The following SH3GL2 variants were observed in gnomAD, a reference collection of about 807,000 sequenced individuals.
SH3GL2 encodes endophilin-A1.
Under a neutral mutation model 46.0 loss-of-function variants are expected in SH3GL2, and 24 were observed. The observed-to-expected ratio is 0.52, with a 90% CI of 0.38 to 0.73. The LOEUF is 0.73. SH3GL2 is among the 30% of genes least tolerant of loss of function. The pLI is 0.00. For missense variants in SH3GL2, 413 were observed against 424.2 expected (o/e 0.97, Z 0.23); for synonymous variants, 196 against 147.1 (o/e 1.33, Z -2.40).
At chr9:17,735,775 G>A (rs182870033) in intron 1 of SH3GL2, 14 of 976,846 alleles carry the variant, frequency 1.4e-5, no homozygotes. Context: ...TTCCACACAT[G>A]GAAAGCATAA....
intron 3 of SH3GL2, among the ~76,000 whole-genome samples, chr9:17,771,006 C>T (rs929299212): frequency 6.6e-5 from 10 of 152,214 alleles, no homozygotes; most frequent in African/African-American, 2.2e-4. Context: ...GACTTACTTG[C>T]AGAAACTGTG....
intron 1 of SH3GL2, among the ~76,000 whole-genome samples, chr9:17,661,951 T>G (rs1275962728): frequency 6.6e-6 from 1 of 152,216 alleles, no homozygotes; most frequent in Non-Finnish European, 1.5e-5. Flanking sequence ...ACTGCTGTCT[T>G]TTGGTTAATT....
intron 1 of SH3GL2, among the ~76,000 whole-genome samples, chr9:17,683,639 C>G (rs574101094): frequency 6.6e-6 from 1 of 152,062 alleles, no homozygotes; most frequent in South Asian, 2.1e-4. Flanking sequence ...TGAACCAGAA[C>G]AAGAGAATAC....
intron 1 of SH3GL2, among the ~76,000 whole-genome samples, chr9:17,681,437 G>A (rs1333499655): frequency 6.6e-6 from 1 of 152,094 alleles, no homozygotes; most frequent in African/African-American, 2.4e-5. Context: ...AGGGTTTCCT[G>A]TAGCATGGTC....
intron 3 of SH3GL2, among the ~76,000 whole-genome samples, chr9:17,770,837 C>T (rs910808181): frequency 2.6e-5 from 4 of 152,182 alleles, no homozygotes; most frequent in Admixed American, 2.6e-4. Context: ...CACACTGCCA[C>T]AGAGAAGTGA....
At chr9:17,760,363 T>C (rs9406697) in intron 2 of SH3GL2, among the ~76,000 whole-genome samples, 17,379 of 152,062 alleles carry the variant, frequency 0.11, 1,084 homozygotes, top group African/African-American at 0.12. Flanking sequence ...ATAAAATCTT[T>C]TAATGTGTGG....
chr9:17,686,071 A>G (rs1246690496), intron 1 of SH3GL2, among the ~76,000 whole-genome samples: 1 of 141,332 alleles, frequency 7.1e-6, no homozygotes, highest in African/African-American at 2.9e-5. Context: ...TCCAGAATCT[A>G]CAATGAACTC....
intron 1 of SH3GL2, among the ~76,000 whole-genome samples, chr9:17,732,899 G>A (rs1349634940): frequency 6.6e-6 from 1 of 152,048 alleles, no homozygotes; most frequent in Non-Finnish European, 1.5e-5. Context: ...CCTTTCCTGG[G>A]AACAGAAGTT....
intron 2 of SH3GL2, among the ~76,000 whole-genome samples, chr9:17,758,477 G>T (rs7026725): frequency 0.64 from 94,975 of 147,784 alleles, 31,020 homozygotes; most frequent in East Asian, 0.83. Context: ...AGGGAGAATC[G>T]CTTGAACCTG....
chr9:17,754,319 C>T (rs9406691), intron 2 of SH3GL2, among the ~76,000 whole-genome samples: 8,206 of 152,110 alleles, frequency 0.054, 681 homozygotes, highest in African/African-American at 0.18. Flanking sequence ...GAGCATGGAA[C>T]GTTTTTCCAT....
intron 2 of SH3GL2, 104 bp from the exon 3 acceptor site, chr9:17,761,333 G>A (rs753794870): frequency 3.6e-5 from 27 of 746,104 alleles, no homozygotes; most frequent in East Asian, 1.0e-4. Context: ...GGACTTGTCC[G>A]GGGCTCTGTT....
chr9:17,786,614 C>A, intron 4 of SH3GL2, 90 bp downstream of exon 4: 2 of 1,390,874 alleles, frequency 1.4e-6, no homozygotes, highest in Non-Finnish European at 1.0e-6. Context: ...TCGGTCAAAT[C>A]ATTTTATATT....
intron 3 of SH3GL2, among the ~76,000 whole-genome samples, chr9:17,784,852 A>G (rs1823909695): frequency 6.6e-6 from 1 of 152,144 alleles, no homozygotes. Context: ...AATTGAGACT[A>G]CAGGTGGGCA....
At chr9:17,693,571 TAC>T (rs145586720) in intron 1 of SH3GL2, among the ~76,000 whole-genome samples, 17,859 of 152,118 alleles carry the variant, frequency 0.12, 1,343 homozygotes, top group Admixed American at 0.19. Flanking sequence ...GACACACACA[TAC>T]ACACACACAT....
intron 1 of SH3GL2, among the ~76,000 whole-genome samples, chr9:17,674,455 C>T (rs1477636562): frequency 1.3e-5 from 2 of 151,976 alleles, no homozygotes; most frequent in African/African-American, 4.8e-5. Flanking sequence ...TTAGTAGGGA[C>T]AGGGTTTCAC....
chr9:17,593,308 T>C (rs1479267319), intron 1 of SH3GL2, among the ~76,000 whole-genome samples: 1 of 151,726 alleles, frequency 6.6e-6, no homozygotes, highest in Non-Finnish European at 1.5e-5. Flanking sequence ...CTGAAGCCAG[T>C]TGTGGGACCG....
intron 1 of SH3GL2, among the ~76,000 whole-genome samples, chr9:17,719,468 T>C (rs915456114): frequency 6.6e-6 from 1 of 152,074 alleles, no homozygotes; most frequent in East Asian, 1.9e-4. Context: ...TGGAGTCAGG[T>C]ACATCATGTC....
At chr9:17,734,523 A>G (rs1405480537) in intron 1 of SH3GL2, among the ~76,000 whole-genome samples, 1 of 152,146 alleles carries the variant, frequency 6.6e-6, no homozygotes, top group Non-Finnish European at 1.5e-5. Flanking sequence ...CATTTTGCCC[A>G]CAGTTTTCAA....
chr9:17,755,755 C>T, intron 2 of SH3GL2: 1 of 983,854 alleles, frequency 1.0e-6, no homozygotes, highest in Non-Finnish European at 1.2e-6. Flanking sequence ...CCTTTTGTTG[C>T]TCCACAAACA....
Sources: allele counts gnomAD v4.1 joint callset (sites outside exome capture counted in the v4.1 genomes callset), GRCh38; gene constraint gnomAD v4.1.1; transcripts MANE v1.5; gene names NCBI Gene and HGNC (gene_info 2026-07-23, HGNC 2026-07-21).